The following LAMC3 variants were observed in gnomAD, a reference collection of about 807,000 sequenced individuals.
The protein encoded by LAMC3 is laminin subunit gamma 3, also known as laminin subunit gamma-3.
Under a neutral mutation model 173.8 loss-of-function variants are expected in LAMC3, and 128 were observed. That is an observed-to-expected ratio of 0.74 (90% confidence interval 0.64 to 0.85). LAMC3 has a LOEUF of 0.85. Ranked by LOEUF, LAMC3 falls within the 40% of genes least tolerant of loss-of-function variation. The pLI is 0.00. For missense variants in LAMC3, 2,022 were observed against 2,156.0 expected, an observed-to-expected ratio of 0.94 and a Z score of 1.23; for synonymous variants, 897 against 909.1, an observed-to-expected ratio of 0.99 and a Z score of 0.24.
At chr9:131,081,621 A>G (rs1405637117) in intron 23 of LAMC3, among the ~76,000 whole-genome samples, 2 of 152,052 alleles carry the variant, frequency 1.3e-5, no homozygotes, top group Non-Finnish European at 2.9e-5. Flanking sequence ...GCAGGCATGC[A>G]CCACCACACC....
chr9:131,046,856 G>C (rs1377632949), intron 8 of LAMC3, among the ~76,000 whole-genome samples: 1 of 149,440 alleles, frequency 6.7e-6, no homozygotes, highest in African/African-American at 2.4e-5. Flanking sequence ...AGCTGAAACA[G>C]AAGAACCTCA....
rs779624490 is a variant in LAMC3 at position 131,026,189 on chromosome 9, C to T, written c.374-96C>T. 17 of 1,569,834 alleles carry T rather than the reference C, an allele frequency of 1.1e-5. No homozygotes were observed. Among genetic ancestry groups the T allele is most frequent in the South Asian group, 9.4e-5 (8 of 85,376 alleles). On this transcript the variant is annotated intron_variant, in intron 1 of 27. Transcript: ENST00000361069. The surrounding 1 kb of genome is among the most constrained non-coding windows in gnomAD (Gnocchi z 4.8). The stretch of plus-strand genomic sequence containing the variant: ...CAGACAGCTTCCAGCGATCCATCCA[C>T]GCTAGTGCCTGCAATGCAGCCGTCT...
Position 131,026,541 on chromosome 9 carries a change from G to C in LAMC3, c.630G>C (p.Leu210=). Residue 210 remains leucine, a synonymous_variant, in exon 2 of 28, where the codon CTG becomes CTC. Coordinates refer to ENST00000361069, the MANE Select transcript of LAMC3 (RefSeq NM_006059.4). This position sits in a 1 kb window ranked among gnomAD's most constrained non-coding sequence, Gnocchi z 4.8. ...GCGGCAACGTGGCCTTCTCCACCCT[G>C]GAGGGCCGGCCCAGCGCCTACAACT... ...LSGGNVAFST[L]EGRPSAYNFE... 6.2e-7 allele frequency: 1 copy of C among 1,610,234 alleles called. No individual in the cohort carries two copies.
chr9:131,041,121 C>T (rs1024687460), intron 6 of LAMC3, among the ~76,000 whole-genome samples: 2 of 152,110 alleles, frequency 1.3e-5, no homozygotes, highest in African/African-American at 2.4e-5. Flanking sequence ...AATCCTGGCA[C>T]TTTGGGAGGC....
At position 131,029,251 on chromosome 9, in the gene LAMC3, G is replaced by A. The variant is rs1046220791; in HGVS notation, c.678+2662G>A. The stretch of plus-strand genomic sequence containing the variant: ...ATCACACAGTACCACATCTCTAGAC[G>A]TCCAGGCCCTGCTTGTCCCACTAAA... On this transcript the variant is annotated intron_variant, in intron 2 of 27. Coordinates refer to ENST00000361069, the MANE Select transcript of LAMC3 (RefSeq NM_006059.4). This position sits in a 1 kb window ranked among gnomAD's most constrained non-coding sequence, Gnocchi z 4.6. Among the ~76,000 whole-genome samples the A allele has an allele frequency of 1.3e-5, 2 of 152,200 alleles. No homozygotes were observed. Among genetic ancestry groups the A allele is most frequent in the African/African-American group, 4.8e-5 (2 of 41,454 alleles).
rs141075974 is a variant in LAMC3, at chr9:131,056,964, G to A, written c.1975G>A (p.Ala659Thr). Residue 659 changes from alanine to threonine, a missense_variant, in exon 12 of 28, where the codon GCC (alanine) becomes ACC (threonine). Coordinates refer to ENST00000361069, the MANE Select transcript of LAMC3 (RefSeq NM_006059.4). ...VFLTEVRLTS[A>T]RPGLSPPASW... ...CCTGACTGAGGTCCGGCTCACATCC[G>A]CCCGGCCAGGGCTTTCCCCGCCAGC... 1.7e-5 allele frequency: 27 copies of A among 1,613,392 alleles called. No individual in the cohort carries two copies. Among genetic ancestry groups the A allele is most frequent in the South Asian group, 3.3e-5 (3 of 91,084 alleles).
intron 12 of LAMC3, among the ~76,000 whole-genome samples, chr9:131,058,891 G>A (rs1588155951): frequency 1.5e-5 from 2 of 132,388 alleles, no homozygotes; most frequent in Non-Finnish European, 1.5e-5. Flanking sequence ...CAAGACTCCA[G>A]AGGAAAAAAG....
chr9:131,028,774 C>T (rs1833775146), intron 2 of LAMC3, among the ~76,000 whole-genome samples: 1 of 152,240 alleles, frequency 6.6e-6, no homozygotes, highest in Non-Finnish European at 1.5e-5. Context: ...CCCAGAGCCA[C>T]ATGTGACAGT....
intron 1 of LAMC3, among the ~76,000 whole-genome samples, chr9:131,015,659 CTTTTT>C (rs1564362066): frequency 6.6e-6 from 1 of 152,114 alleles, no homozygotes; most frequent in Non-Finnish European, 1.5e-5. Flanking sequence ...ATTTTCTTTT[CTTTTT>C]TATTTTTTTG....
chr9:131,081,217 G>A (rs1188242361), intron 23 of LAMC3, among the ~76,000 whole-genome samples: 3 of 152,202 alleles, frequency 2.0e-5, no homozygotes, highest in Admixed American at 6.5e-5. Context: ...CCTGCCTTGC[G>A]GCCTGGATCT....
intron 21 of LAMC3, 63 bp downstream of exon 21, chr9:131,076,028 A>C: frequency 6.7e-7 from 1 of 1,489,630 alleles, no homozygotes; most frequent in Non-Finnish European, 9.0e-7. Flanking sequence ...AACAGGGCCT[A>C]GCCAAAGGCT....
At position 131,032,029 on chromosome 9, in the gene LAMC3, C is replaced by G. The variant is rs772548765; in HGVS notation, c.679-16C>G. ...CTCAGGAACCTGCTGATGGCACCCT[C>G]TCCCCTCTGCCCCAGGAGTGGGTCA... On this transcript the variant is annotated splice_polypyrimidine_tract_variant and intron_variant, in intron 2 of 27. Transcript: ENST00000361069. 4 of 1,614,182 alleles carry G rather than the reference C, an allele frequency of 2.5e-6. 1 individual carries two copies. The highest frequency in any genetic ancestry group is 8.5e-7 in the Non-Finnish European group (1 of 1,180,022).
chr9:131,045,584 C>T lies in LAMC3; in HGVS notation c.1443C>T (p.Phe481=), dbSNP rs748280895. 1 of 1,614,166 alleles carries T rather than the reference C, an allele frequency of 6.2e-7. No individual in the cohort carries two copies. Among genetic ancestry groups the T allele is most frequent in the South Asian group, 1.1e-5 (1 of 91,088 alleles). The change falls in exon 8 of 28, where the codon TTC becomes TTT. Residue 481 remains phenylalanine (F), a synonymous_variant. Transcript: ENST00000361069. ...ATCCAGCTGGCTGCAGCAGCTGTTTCTGCTATGGCCACTCCAAGGTGTGCG... is the reference window on the plus strand; with the variant it reads ...ATCCAGCTGGCTGCAGCAGCTGTTTTTGCTATGGCCACTCCAAGGTGTGCG... ...PHNPAGCSSC[F]CYGHSKVCAS...
At chr9:131,049,166 T>C (rs1465302831) in intron 9 of LAMC3, 36 bp downstream of exon 9, 23 of 1,231,346 alleles carry the variant, frequency 1.9e-5, no homozygotes, top group Non-Finnish European at 2.3e-5. Flanking sequence ...GGCCGCCCTG[T>C]GTCGGTTCCT....
chr9:131,065,119 T>G (rs985307551), intron 13 of LAMC3, among the ~76,000 whole-genome samples: 3 of 151,036 alleles, frequency 2.0e-5, no homozygotes, highest in African/African-American at 7.3e-5. Context: ...CAGGGGACCA[T>G]GGCTATTATT....
chr9:131,032,326 G>C (rs190334645), intron 3 of LAMC3, 151 bp downstream of exon 3: 1 of 743,312 alleles, frequency 1.3e-6, no homozygotes, highest in Non-Finnish European at 2.3e-6. Context: ...GAGGCCCTGG[G>C]GGTCCACACC....
intron 6 of LAMC3, among the ~76,000 whole-genome samples, chr9:131,039,676 G>A (rs1052886106): frequency 5.3e-5 from 8 of 152,002 alleles, no homozygotes; most frequent in Non-Finnish European, 7.4e-5. Context: ...ACTGTGGAGA[G>A]GGAGAGCAGG....
chr9:131,065,682 A>G (rs1225665297), intron 13 of LAMC3, among the ~76,000 whole-genome samples: 1 of 152,248 alleles, frequency 6.6e-6, no homozygotes, highest in East Asian at 1.9e-4. Flanking sequence ...GCTGTAGGCA[A>G]CTGTGACCCG....
rs770949410 is a variant in LAMC3 at position 131,009,539 on chromosome 9, G to C, written c.325G>C (p.Ala109Pro). The change falls in exon 1 of 28, where the codon GCC (alanine) becomes CCC (proline). Residue 109 changes from alanine (A) to proline (P), a missense_variant. Coordinates refer to ENST00000361069, the MANE Select transcript of LAMC3 (RefSeq NM_006059.4). The surrounding 1 kb of genome is among the most constrained non-coding windows in gnomAD (Gnocchi z 4.3). ...ESTWWQSPSM[A>P]FGVQYPTSVN... ...CACCTGGTGGCAGAGCCCGTCCATG[G>C]CCTTCGGCGTGCAGTACCCCACCTC... 283 of 1,565,276 alleles carry C rather than the reference G, an allele frequency of 1.8e-4. No homozygotes were observed. The highest frequency in any genetic ancestry group is 2.4e-4 in the Non-Finnish European group (273 of 1,155,556).
Sources: gnomAD v4.1 joint callset for allele counts (sites outside exome capture counted in the v4.1 genomes callset) on GRCh38, gnomAD v4.1.1 for gene constraint, Gnocchi (gnomAD v3.1) non-coding constraint, MANE v1.5 for transcripts, NCBI Gene and HGNC (gene_info 2026-07-23, HGNC 2026-07-21) for gene names.